Variants in LSAMP observed in about 807,000 individuals in gnomAD.
LSAMP encodes the protein limbic system associated membrane protein.
In LSAMP, 7 loss-of-function variants were observed where a neutral mutation model predicts 38.6. The ratio of observed to expected loss-of-function variants is 0.18; its 90% CI spans 0.10 to 0.34. The LOEUF (loss-of-function observed/expected upper bound fraction) is 0.34, where lower values mean the gene tolerates loss of function less well. LSAMP is among the 10% of genes least tolerant of loss of function. LSAMP has a pLI of 1.00. For synonymous variants in LSAMP, 154 were observed against 166.8 expected (o/e 0.92, Z 0.59); for missense variants, 313 against 420.0 (o/e 0.75, Z 2.23).
At chr3:116,152,574 T>G (rs1709636912) in intron 1 of LSAMP, among the ~76,000 whole-genome samples, 1 of 152,158 alleles carries the variant, frequency 6.6e-6, no homozygotes, top group Non-Finnish European at 1.5e-5. Flanking sequence ...AGGACATTTA[T>G]TGTAACAATT....
At chr3:116,048,205 G>A (rs1157808686) in intron 2 of LSAMP, among the ~76,000 whole-genome samples, 1 of 152,156 alleles carries the variant, frequency 6.6e-6, no homozygotes, top group Non-Finnish European at 1.5e-5. Context: ...CAATGACAGG[G>A]CTTCTGAATG....
At chr3:115,975,516 A>G (rs1483597676) in intron 3 of LSAMP, among the ~76,000 whole-genome samples, 1 of 152,154 alleles carries the variant, frequency 6.6e-6, no homozygotes, top group Non-Finnish European at 1.5e-5. Context: ...ATCAGTTTCA[A>G]TATCTGTAAG....
At chr3:116,275,702 A>C (rs1185105491) in intron 1 of LSAMP, among the ~76,000 whole-genome samples, 1 of 152,178 alleles carries the variant, frequency 6.6e-6, no homozygotes, top group Non-Finnish European at 1.5e-5. Flanking sequence ...CTTCTCAAGA[A>C]GACTAAATCA....
intron 2 of LSAMP, among the ~76,000 whole-genome samples, chr3:116,072,453 T>C (rs896465339): frequency 6.6e-6 from 1 of 152,174 alleles, no homozygotes; most frequent in African/African-American, 2.4e-5. Context: ...ATATTTCTGC[T>C]TCTAGATCTT....
Position 116,416,632 on chromosome 3 carries a change from C to A in LSAMP, c.155+28245G>T, listed in dbSNP as rs2049054349. On this transcript the variant is annotated intron_variant, in intron 1 of 6. Transcript: ENST00000490035. Reference sequence around the variant, plus strand: ...TGCCTTTTGGTGACCACCTGACCATCCTTCAAGGCCAGGACAAACCTAATG... The same window carrying A: ...TGCCTTTTGGTGACCACCTGACCATACTTCAAGGCCAGGACAAACCTAATG... 1.3e-5 allele frequency among the ~76,000 whole-genome samples: 2 copies of A among 152,106 alleles called. 1 individual carries two copies. Among genetic ancestry groups the A allele is most frequent in the South Asian group, 4.1e-4 (2 of 4,832 alleles).
intron 3 of LSAMP, among the ~76,000 whole-genome samples, chr3:115,923,233 A>G (rs1358002553): frequency 3.3e-5 from 5 of 152,224 alleles, no homozygotes; most frequent in Non-Finnish European, 4.4e-5. Context: ...CCAAAGAGCC[A>G]GATTGTTGGA....
At chr3:115,990,361 G>A (rs771418253) in intron 3 of LSAMP, among the ~76,000 whole-genome samples, 9 of 152,022 alleles carry the variant, frequency 5.9e-5, no homozygotes, top group Non-Finnish European at 1.2e-4. Context: ...TGAGCCTCTT[G>A]ATGCTACTTC....
intron 1 of LSAMP, among the ~76,000 whole-genome samples, chr3:116,433,530 T>C (rs563623866): frequency 4.6e-5 from 7 of 152,326 alleles, no homozygotes; most frequent in African/African-American, 1.7e-4. Flanking sequence ...ATTCCAGCGT[T>C]AATTTTTCCA....
chr3:116,315,216 A>T (rs2047612785), intron 1 of LSAMP, among the ~76,000 whole-genome samples: 1 of 152,154 alleles, frequency 6.6e-6, no homozygotes, highest in Non-Finnish European at 1.5e-5. Context: ...CTACCTACCA[A>T]GTCTCCAAGA....
chr3:116,168,227 AT>A (rs150916317), intron 1 of LSAMP, among the ~76,000 whole-genome samples: 3,183 of 151,726 alleles, frequency 0.021, 107 homozygotes, highest in African/African-American at 0.071. Context: ...TATTATTATT[AT>A]TTTTTTTTTA....
chr3:116,135,346 A>G (rs1377509862), intron 1 of LSAMP, among the ~76,000 whole-genome samples: 1 of 152,216 alleles, frequency 6.6e-6, no homozygotes, highest in Non-Finnish European at 1.5e-5. Context: ...GGCATTATCT[A>G]TGTTAATTTC....
intron 1 of LSAMP, among the ~76,000 whole-genome samples, chr3:116,150,489 T>TG (rs1240790686): frequency 2.0e-5 from 3 of 151,962 alleles, no homozygotes; most frequent in East Asian, 3.9e-4. Flanking sequence ...CTGCTTCAGG[T>TG]GAAATCATTC....
rs528374561 is a variant in LSAMP, at chr3:116,262,814, T to G, written c.156-176258A>C. 5.9e-5 allele frequency among the ~76,000 whole-genome samples: 9 copies of G among 152,276 alleles called. No individual in the cohort carries two copies. The South Asian group carries it at 1.9e-3, about 32-fold the overall frequency. On this transcript the variant is annotated intron_variant, in intron 1 of 6. Coordinates refer to ENST00000490035, the MANE Select transcript of LSAMP (RefSeq NM_002338.5). ...GGAAAGGACATTTACAAGGGAAATA[T>G]GAAATCAACAAAATCAAAGCAAGCC...
chr3:116,237,646 G>A (rs1461121), intron 1 of LSAMP, among the ~76,000 whole-genome samples: 109,412 of 151,148 alleles, frequency 0.72, 40,864 homozygotes, highest in South Asian at 0.85. Context: ...TTGAGTCCTC[G>A]CCATAAACCT....
intron 6 of LSAMP, among the ~76,000 whole-genome samples, chr3:115,820,329 A>G: frequency 6.6e-6 from 1 of 152,214 alleles, no homozygotes; most frequent in Non-Finnish European, 1.5e-5. Flanking sequence ...TAAGTATGGC[A>G]GTGAAGGTAC....
chr3:116,252,361 T>A (rs1214310059), intron 1 of LSAMP, among the ~76,000 whole-genome samples: 1 of 152,146 alleles, frequency 6.6e-6, no homozygotes, highest in African/African-American at 2.4e-5. Context: ...TGAAATCAAT[T>A]GTGTAGACAA....
chr3:116,277,143 T>TAATA (rs1197855592), intron 1 of LSAMP, among the ~76,000 whole-genome samples: 2 of 152,158 alleles, frequency 1.3e-5, no homozygotes, highest in Non-Finnish European at 2.9e-5. Context: ...AGATGTCAAA[T>TAATA]AATATTAGCT....
At chr3:116,029,090 T>C (rs1391402799) in intron 2 of LSAMP, among the ~76,000 whole-genome samples, 2 of 152,142 alleles carry the variant, frequency 1.3e-5, no homozygotes, top group Non-Finnish European at 2.9e-5. Context: ...TTTACATACT[T>C]TGTCATGTCT....
Position 115,953,441 on chromosome 3 carries a change from AC to A in LSAMP, c.514+66073del, listed in dbSNP as rs1320853200. Among the ~76,000 whole-genome samples, 349 of 148,412 alleles carry A rather than the reference AC, an allele frequency of 2.4e-3. 1 individual carries two copies. The highest frequency in any genetic ancestry group is 8.4e-3 in the African/African-American group (332 of 39,536). ...CACACACACACACACACACACACAC[AC>A]AATGTCTAAAATACACCAAATATAA... On this transcript the variant is annotated intron_variant, in intron 3 of 6. Transcript: ENST00000490035.
Sources: allele counts gnomAD v4.1 joint callset (sites outside exome capture counted in the v4.1 genomes callset), GRCh38; gene constraint gnomAD v4.1.1; transcripts MANE v1.5; gene names NCBI Gene and HGNC (gene_info 2026-07-23, HGNC 2026-07-21).